The following ADAM12 variants were observed in gnomAD, a reference collection of about 807,000 sequenced individuals.
ADAM12 encodes the protein disintegrin and metalloproteinase domain-containing protein 12.
In ADAM12, 70 loss-of-function variants were observed where a neutral mutation model predicts 106.4. That is an observed-to-expected ratio of 0.66 (90% CI 0.54 to 0.80). ADAM12 has a LOEUF of 0.80. Among genes scored for constraint, ADAM12 ranks in the 30% least tolerant of loss-of-function variants. ADAM12 has a pLI of 0.00. For synonymous variants in ADAM12, 420 were observed against 433.5 expected (o/e 0.97, Z 0.39); for missense variants, 1,010 against 1,171.9 (o/e 0.86, Z 2.02).
intron 11 of ADAM12, among the ~76,000 whole-genome samples, chr10:126,072,066 GA>G (rs766440450): frequency 6.6e-6 from 1 of 152,162 alleles, no homozygotes; most frequent in South Asian, 2.1e-4. Context: ...AAGAAGAAAA[GA>G]GTACAAATGA....
At chr10:126,061,914 C>T (rs976803915) in intron 14 of ADAM12, among the ~76,000 whole-genome samples, 1 of 152,156 alleles carries the variant, frequency 6.6e-6, no homozygotes, top group African/African-American at 2.4e-5. Context: ...ACTCACACAG[C>T]GCCTGTAAAC....
At chr10:126,182,894 C>T (rs1194444547) in intron 3 of ADAM12, among the ~76,000 whole-genome samples, 4 of 152,228 alleles carry the variant, frequency 2.6e-5, no homozygotes, top group Non-Finnish European at 4.4e-5. Context: ...CCCAAACCCC[C>T]GGGCCACAGA....
chr10:126,036,273 AG>A lies in ADAM12; in HGVS notation c.2401del (p.Leu801SerfsTer4). 1 of 1,562,906 alleles carries A rather than the reference AG, an allele frequency of 6.4e-7. No individual in the cohort carries two copies. Among genetic ancestry groups the A allele is most frequent in the South Asian group, 1.2e-5 (1 of 82,574 alleles). On this transcript the variant is annotated frameshift_variant, in exon 21 of 23. Transcript: ENST00000448723. LOFTEE classifies it high-confidence loss of function. ...QCQNVDISRP[L>X]NGLNVPQPQS... ...GGGCTGAGGGACATTCAGGCCGTTG[AG>A]GGGTCTGCTGATGTCAACATTCTGA...
At chr10:126,101,930 G>A (rs111850841) in intron 8 of ADAM12, among the ~76,000 whole-genome samples, 1,788 of 152,166 alleles carry the variant, frequency 0.012, 41 homozygotes, top group African/African-American at 0.04. Context: ...TCTTTTATGC[G>A]CCTGTGAAAC....
chr10:126,147,905 A>G (rs1956658173), intron 4 of ADAM12, among the ~76,000 whole-genome samples: 1 of 152,252 alleles, frequency 6.6e-6, no homozygotes, highest in African/African-American at 2.4e-5. Context: ...GGTTGACAAG[A>G]TGCATGTAAC....
At chr10:126,117,965 A>G (rs1956016972) in intron 6 of ADAM12, 73 bp downstream of exon 6, 8 of 1,518,412 alleles carry the variant, frequency 5.3e-6, no homozygotes, top group Non-Finnish European at 7.3e-6. Flanking sequence ...ATTTCTCCAG[A>G]TGTCCTAGTG....
chr10:126,099,884 G>T (rs1232602299), intron 9 of ADAM12, among the ~76,000 whole-genome samples: 3 of 152,124 alleles, frequency 2.0e-5, no homozygotes, highest in Non-Finnish European at 4.4e-5. Context: ...TAAGCCACAT[G>T]ACAACAAAAG....
At chr10:126,039,780 A>T (rs938306323) in intron 18 of ADAM12, among the ~76,000 whole-genome samples, 44 of 152,242 alleles carry the variant, frequency 2.9e-4, no homozygotes, top group Non-Finnish European at 7.4e-5. Flanking sequence ...CCTCACTGGA[A>T]TCACAGCCAT....
In ADAM12 at chr10:126,012,414, G is replaced by GT. The variant is rs1384115598; in HGVS notation, c.*4864dup. ...TATTTACCTTTATACAATTTATTGG[G>GT]TTTAATATTCATAACAATAACTTTT... On this transcript the variant is annotated 3_prime_UTR_variant, in exon 23 of 23. Coordinates refer to ENST00000448723, the MANE Select transcript of ADAM12 (RefSeq NM_001288973.2). 3 of 152,122 alleles carry GT rather than the reference G, an allele frequency of 2.0e-5. No individual in the cohort carries two copies. Among genetic ancestry groups the GT allele is most frequent in the African/African-American group, 4.8e-5 (2 of 41,412 alleles). The allele number at this position is 152,122 out of a possible 1,614,324, so 9.4% of individuals were successfully genotyped here.
chr10:126,364,468 G>A (rs1188805328), intron 1 of ADAM12, among the ~76,000 whole-genome samples: 2 of 151,988 alleles, frequency 1.3e-5, no homozygotes, highest in East Asian at 3.9e-4. Context: ...TTAATAAACA[G>A]GCTAGTCCCA....
chr10:126,127,297 G>A (rs900501769), intron 5 of ADAM12, among the ~76,000 whole-genome samples: 1 of 152,210 alleles, frequency 6.6e-6, no homozygotes, highest in Non-Finnish European at 1.5e-5. Context: ...CACCACAAGT[G>A]CAAAGGTGAA....
intron 1 of ADAM12, among the ~76,000 whole-genome samples, chr10:126,368,756 C>G (rs1856005860): frequency 6.6e-6 from 1 of 151,462 alleles, no homozygotes; most frequent in Admixed American, 6.6e-5. Flanking sequence ...GCTAAAATCA[C>G]TTCAAAAGTT....
intron 3 of ADAM12, among the ~76,000 whole-genome samples, chr10:126,204,283 C>T (rs1039635711): frequency 2.6e-5 from 4 of 152,212 alleles, no homozygotes; most frequent in African/African-American, 4.8e-5. Flanking sequence ...TCCCTTTCCC[C>T]TCCATTAGAC....
intron 3 of ADAM12, among the ~76,000 whole-genome samples, chr10:126,222,083 T>G (rs1958105411): frequency 6.6e-6 from 1 of 152,186 alleles, no homozygotes. Flanking sequence ...TGATGCTACC[T>G]ACACGTCACA....
intron 1 of ADAM12, among the ~76,000 whole-genome samples, chr10:126,371,038 G>A (rs1356635559): frequency 6.6e-6 from 1 of 152,222 alleles, no homozygotes; most frequent in African/African-American, 2.4e-5. Context: ...CCCATTTCTA[G>A]TATATTCCCT....
In ADAM12 at chr10:126,330,456, C is replaced by G. The variant is rs3740199; in HGVS notation, c.142G>C (p.Gly48Arg). ...ACTGGGATCCAGAGGTCCCCACTCCCAACAGAGGCACTGACAACTTCATCA... is the reference window on the plus strand; with the variant it reads ...ACTGGGATCCAGAGGTCCCCACTCCGAACAGAGGCACTGACAACTTCATCA... ...RADEVVSASVGSGDLWIPVKS... is the reference protein window; with the variant it reads ...RADEVVSASVRSGDLWIPVKS... Residue 48 changes from glycine (G) to arginine (R), a missense_variant, in exon 2 of 23, where the codon GGG becomes CGG. By Grantham distance (125) the Gly-to-Arg change is moderately radical. This residue lies in a region of ADAM12 where 391 missense variants were observed against 442.9 expected (regional missense o/e 0.88). Coordinates refer to ENST00000448723, the MANE Select transcript of ADAM12 (RefSeq NM_001288973.2). 0.55 allele frequency: 888,931 copies of G among 1,612,416 alleles called. 247,353 individuals are homozygous for G. The highest frequency in any genetic ancestry group is 0.6 in the Admixed American group (35,598 of 59,724).
chr10:126,046,733 T>C (rs773992426), intron 16 of ADAM12, among the ~76,000 whole-genome samples: 1 of 144,134 alleles, frequency 6.9e-6, no homozygotes, highest in Non-Finnish European at 1.5e-5. Context: ...AACCAGGGAG[T>C]TGGAGGTTGC....
At chr10:126,047,709 T>C (rs931310210) in intron 16 of ADAM12, among the ~76,000 whole-genome samples, 7 of 152,186 alleles carry the variant, frequency 4.6e-5, no homozygotes, top group Non-Finnish European at 1.5e-5. Context: ...TGTAAATTAG[T>C]TCAACCATTG....
chr10:126,306,719 T>C (rs921694597), intron 2 of ADAM12, among the ~76,000 whole-genome samples: 4 of 152,236 alleles, frequency 2.6e-5, no homozygotes, highest in African/African-American at 9.6e-5. Context: ...GCGGTTTCTA[T>C]TGAAATGTCA....
Sources: gnomAD v4.1 joint callset for allele counts (sites outside exome capture counted in the v4.1 genomes callset) on GRCh38, gnomAD v4.1.1 for gene constraint, gnomAD v4.1.1 regional missense constraint, MANE v1.5 for transcripts, NCBI Gene and HGNC (gene_info 2026-07-23, HGNC 2026-07-21) for gene names.